ADGB: variants seen among roughly 807,000 people sequenced by gnomAD.
The protein encoded by ADGB is calpain-7-like protein.
In ADGB, 172 loss-of-function variants were observed where a neutral mutation model predicts 210.5. That is an observed-to-expected ratio of 0.82 (90% CI 0.72 to 0.93). The LOEUF is 0.93. ADGB is among the 40% of genes least tolerant of loss of function. The pLI, the probability that ADGB is intolerant of heterozygous loss-of-function variation, is 0.00. For synonymous variants in ADGB, 658 were observed against 662.7 expected (o/e 0.99, Z 0.11); for missense variants, 2,025 against 1,964.8 (o/e 1.03, Z -0.58).
chr6:146,713,174 G>T (rs143492038), intron 13 of ADGB, among the ~76,000 whole-genome samples: 1 of 152,188 alleles, frequency 6.6e-6, no homozygotes, highest in Non-Finnish European at 1.5e-5. Context: ...ATAGATATTG[G>T]GTTGCATCAA....
chr6:146,754,904 T>C (rs1292186330), intron 27 of ADGB, among the ~76,000 whole-genome samples: 2 of 152,074 alleles, frequency 1.3e-5, no homozygotes, highest in Non-Finnish European at 2.9e-5. Flanking sequence ...CTAATTATGA[T>C]ATTTAAAATG....
At chr6:146,709,510 G>A (rs1776626982) in intron 13 of ADGB, among the ~76,000 whole-genome samples, 1 of 152,130 alleles carries the variant, frequency 6.6e-6, no homozygotes, top group Non-Finnish European at 1.5e-5. Context: ...TGCAGGATTG[G>A]GTCTAGAATG....
At chr6:146,800,753 T>TA (rs553127042) in intron 33 of ADGB, among the ~76,000 whole-genome samples, 7 of 152,148 alleles carry the variant, frequency 4.6e-5, no homozygotes, top group East Asian at 3.9e-4. Context: ...TATAAATATG[T>TA]AAAAAAAATC....
intron 1 of ADGB, among the ~76,000 whole-genome samples, chr6:146,617,882 C>A (rs903918580): frequency 9.9e-5 from 15 of 151,954 alleles, no homozygotes; most frequent in African/African-American, 3.6e-4. Context: ...CTTAGAGCAC[C>A]AACCCCTGCA....
At chr6:146,784,590 C>T (rs1357903910) in intron 30 of ADGB, 28 bp from the exon 31 acceptor site, 3 of 1,468,776 alleles carry the variant, frequency 2.0e-6, no homozygotes, top group Non-Finnish European at 2.7e-6. Context: ...GGAAAGCATG[C>T]AAAACCCAAA....
At chr6:146,763,783 A>G in intron 27 of ADGB, 118 bp from the exon 28 acceptor site, 3 of 937,684 alleles carry the variant, frequency 3.2e-6, no homozygotes, top group Non-Finnish European at 4.6e-6. Context: ...TTATCTCACT[A>G]AAACAAAAGA....
At chr6:146,654,304 C>A in intron 4 of ADGB, 98 bp downstream of exon 4, 1 of 682,332 alleles carries the variant, frequency 1.5e-6, no homozygotes, top group Non-Finnish European at 2.4e-6. Context: ...CCCTTGCTCA[C>A]CTTTAAGTTT....
intron 9 of ADGB, among the ~76,000 whole-genome samples, chr6:146,682,280 TGAAATATGCTTATA>T (rs1282572710): frequency 3.3e-5 from 5 of 152,104 alleles, no homozygotes; most frequent in Non-Finnish European, 7.4e-5. Flanking sequence ...AGCAGTCTTC[TGAAATATGCTTATA>T]GAAAGCAAAA....
At chr6:146,780,086 A>G (rs1203819838) in intron 29 of ADGB, among the ~76,000 whole-genome samples, 1 of 152,092 alleles carries the variant, frequency 6.6e-6, no homozygotes, top group Non-Finnish European at 1.5e-5. Context: ...ATTTGTGATA[A>G]TAACAACATA....
At chr6:146,708,828 G>C (rs1289443657) in intron 13 of ADGB, among the ~76,000 whole-genome samples, 3 of 151,920 alleles carry the variant, frequency 2.0e-5, no homozygotes, top group African/African-American at 7.3e-5. Flanking sequence ...TGTCTTTTGT[G>C]AACTCCTATC....
chr6:146,655,989 C>A (rs976972306), intron 4 of ADGB, among the ~76,000 whole-genome samples: 9 of 152,124 alleles, frequency 5.9e-5, no homozygotes, highest in African/African-American at 2.2e-4. Context: ...TCATTGAACA[C>A]CCACTGTGAC....
chr6:146,645,582 A>C (rs1475023121), intron 3 of ADGB, among the ~76,000 whole-genome samples: 1 of 152,066 alleles, frequency 6.6e-6, no homozygotes, highest in Non-Finnish European at 1.5e-5. Flanking sequence ...ATTTAGAAGT[A>C]GTCAAATTGT....
At chr6:146,749,966 C>G (rs993638459) in intron 26 of ADGB, among the ~76,000 whole-genome samples, 1 of 152,046 alleles carries the variant, frequency 6.6e-6, no homozygotes, top group African/African-American at 2.4e-5. Context: ...CTCCTCCAAC[C>G]CTGATTATCA....
At chr6:146,804,578 C>T (rs2114669007) in intron 35 of ADGB, among the ~76,000 whole-genome samples, 1 of 152,270 alleles carries the variant, frequency 6.6e-6, no homozygotes, top group South Asian at 2.1e-4. Context: ...CTGTCACTCC[C>T]CACGTGCGAT....
intron 3 of ADGB, among the ~76,000 whole-genome samples, chr6:146,650,436 C>A (rs1173830020): frequency 6.6e-6 from 1 of 151,558 alleles, no homozygotes; most frequent in Non-Finnish European, 1.5e-5. Flanking sequence ...TGAGCTCTGA[C>A]TTTTTTTATT....
intron 2 of ADGB, 120 bp from the exon 3 acceptor site, chr6:146,644,653 A>G (rs1242406783): frequency 5.5e-6 from 3 of 548,438 alleles, no homozygotes; most frequent in Non-Finnish European, 9.3e-6. Context: ...CAAGAACACA[A>G]ACTGCTTTGT....
Position 146,650,181 on chromosome 6 carries a change from G to A in ADGB, c.331-3954G>A, listed in dbSNP as rs549642171. ...GACCAAAATTTTGGGTAAAGCTGTTGTCATTTTTAAAAACATGTTTTATCC... is the reference window on the plus strand; with the variant it reads ...GACCAAAATTTTGGGTAAAGCTGTTATCATTTTTAAAAACATGTTTTATCC... On this transcript the variant is annotated intron_variant, in intron 3 of 35. Transcript: ENST00000397944. Among the ~76,000 whole-genome samples, 18 of 152,184 alleles carry A rather than the reference G, an allele frequency of 1.2e-4. 1 individual carries two copies. The South Asian group carries it at 3.3e-3, about 28-fold the overall frequency.
chr6:146,727,746 G>A (rs1433673526), intron 19 of ADGB, among the ~76,000 whole-genome samples: 1 of 152,106 alleles, frequency 6.6e-6, no homozygotes, highest in African/African-American at 2.4e-5. Context: ...ACTTTTCTGG[G>A]CATGGTTTCA....
At chr6:146,650,507 C>A (rs908199029) in intron 3 of ADGB, among the ~76,000 whole-genome samples, 1 of 147,770 alleles carries the variant, frequency 6.8e-6, no homozygotes, top group Non-Finnish European at 1.5e-5. Flanking sequence ...AGCTGGAGTC[C>A]CAGGTAAACT....
Sources: allele counts gnomAD v4.1 joint callset (sites outside exome capture counted in the v4.1 genomes callset), GRCh38; gene constraint gnomAD v4.1.1; transcripts MANE v1.5; gene names NCBI Gene and HGNC (gene_info 2026-07-23, HGNC 2026-07-21).